Variants in HS6ST2 observed in about 807,000 individuals in gnomAD.
HS6ST2 encodes heparan sulfate 6-O-sulfotransferase 2.
A neutral mutation model predicts 33.0 loss-of-function variants in HS6ST2; 17 were observed. That is an observed-to-expected ratio of 0.52 (90% CI 0.35 to 0.77). The LOEUF is 0.77. Among genes scored for constraint, HS6ST2 ranks in the 30% least tolerant of loss-of-function variants. HS6ST2 has a pLI of 0.01. For missense variants in HS6ST2, 519 were observed against 551.7 expected (o/e 0.94, Z 0.59); for synonymous variants, 248 against 237.1 (o/e 1.05, Z -0.42).
intron 2 of HS6ST2, among the ~76,000 whole-genome samples, chrX:132,913,267 G>A (rs1329610585): frequency 8.9e-6 from 1 of 112,196 alleles, no homozygotes; most frequent in East Asian, 2.8e-4. Flanking sequence ...GTGCCAGGCA[G>A]CCACTTCATG....
At chrX:132,637,743 A>AT (rs1491159256) in intron 4 of HS6ST2, among the ~76,000 whole-genome samples, 16 of 79,990 alleles carry the variant, frequency 2.0e-4, no homozygotes, top group African/African-American at 7.6e-4. Context: ...ATATATATAT[A>AT]AAAAATATAT....
At position 132,707,643 on chromosome X, in the gene HS6ST2, A is replaced by C. The variant is rs766316340; in HGVS notation, c.980+819T>G. ...TTAAGAAAAAACAGAGGCACTAGTA[A>C]ATATTTCTGGAGCCAATAAGCCTAC... is the stretch of plus-strand genomic sequence containing the variant. On this transcript the variant is annotated intron_variant, in intron 3 of 4. Coordinates refer to ENST00000370833, the MANE Select transcript of HS6ST2 (RefSeq NM_001394073.1). 2.0e-4 allele frequency among the ~76,000 whole-genome samples: 23 copies of C among 112,226 alleles called. No homozygotes were observed. The South Asian group carries it at 7.6e-3, about 37-fold the overall frequency.
intron 3 of HS6ST2, among the ~76,000 whole-genome samples, chrX:132,672,364 C>A (rs755906409): frequency 1.8e-5 from 2 of 110,953 alleles, no homozygotes; most frequent in Non-Finnish European, 3.8e-5. Context: ...CGAAACAGAT[C>A]TACCCCAGTA....
At chrX:132,954,067 A>G (rs924066480) in intron 2 of HS6ST2, among the ~76,000 whole-genome samples, 1 of 112,246 alleles carries the variant, frequency 8.9e-6, no homozygotes, top group African/African-American at 3.2e-5. Context: ...CATCTGATAA[A>G]TGGGGATCCT....
intron 3 of HS6ST2, among the ~76,000 whole-genome samples, chrX:132,684,520 A>T (rs1602577913): frequency 9.1e-6 from 1 of 110,041 alleles, no homozygotes; most frequent in East Asian, 2.9e-4. Context: ...TCCTGGAAAG[A>T]TGGTGAAAAA....
At chrX:132,908,586 T>G (rs1409216071) in intron 2 of HS6ST2, among the ~76,000 whole-genome samples, 1 of 112,256 alleles carries the variant, frequency 8.9e-6, no homozygotes, top group East Asian at 2.8e-4. Context: ...AATTGCTGCT[T>G]GATGCTACAA....
intron 2 of HS6ST2, among the ~76,000 whole-genome samples, chrX:132,711,060 C>A (rs1378957157): frequency 1.8e-5 from 2 of 111,887 alleles, no homozygotes; most frequent in Non-Finnish European, 3.8e-5. Context: ...ATAGGAATAA[C>A]CTTCCTCTGA....
chrX:132,703,401 T>C (rs757100172), intron 3 of HS6ST2, among the ~76,000 whole-genome samples: 1 of 112,964 alleles, frequency 8.9e-6, no homozygotes, highest in South Asian at 3.6e-4. Flanking sequence ...AAGTAGATGA[T>C]TCCCACTTGG....
intron 4 of HS6ST2, among the ~76,000 whole-genome samples, chrX:132,654,437 T>C (rs989681614): frequency 9.0e-6 from 1 of 111,207 alleles, no homozygotes; most frequent in Non-Finnish European, 1.9e-5. Context: ...ACCCCAGAAG[T>C]GCTCCTAGCC....
intron 2 of HS6ST2, among the ~76,000 whole-genome samples, chrX:132,925,158 A>G (rs1389069837): frequency 8.9e-6 from 1 of 111,813 alleles, no homozygotes; most frequent in East Asian, 2.8e-4. Context: ...TGAAGCCTCC[A>G]CAAAACCCCA....
intron 2 of HS6ST2, among the ~76,000 whole-genome samples, chrX:132,811,864 A>T (rs2065349527): frequency 1.9e-5 from 2 of 107,108 alleles, no homozygotes; most frequent in Admixed American, 2.0e-4. Context: ...AGTTATTTTA[A>T]AATGTACAAT....
intron 2 of HS6ST2, among the ~76,000 whole-genome samples, chrX:132,831,443 G>T (rs12849431): frequency 9.0e-6 from 1 of 111,159 alleles, no homozygotes; most frequent in Non-Finnish European, 1.9e-5. Flanking sequence ...CAAGTGGGAG[G>T]CTCAAGATGT....
At chrX:132,898,601 G>A (rs1029453860) in intron 2 of HS6ST2, among the ~76,000 whole-genome samples, 14 of 109,972 alleles carry the variant, frequency 1.3e-4, no homozygotes, top group Admixed American at 9.8e-4. Context: ...CTAGACAACA[G>A]TCAGTACAAG....
intron 2 of HS6ST2, among the ~76,000 whole-genome samples, chrX:132,905,800 AC>A (rs1397482896): frequency 4.5e-5 from 5 of 111,840 alleles, no homozygotes; most frequent in Non-Finnish European, 9.4e-5. Flanking sequence ...TATTTCCGTT[AC>A]CTCACAAGTT....
chrX:132,771,322 TTCTAA>T (rs2148321097), intron 2 of HS6ST2, among the ~76,000 whole-genome samples: 1 of 112,166 alleles, frequency 8.9e-6, no homozygotes, highest in African/African-American at 3.2e-5. Flanking sequence ...TAACTTTGTT[TTCTAA>T]TGAACAATGT....
At chrX:132,725,615 A>C (rs185736976) in intron 2 of HS6ST2, among the ~76,000 whole-genome samples, 1 of 112,270 alleles carries the variant, frequency 8.9e-6, no homozygotes, top group Non-Finnish European at 1.9e-5. Context: ...GTTCCTCAAA[A>C]ACTAAAAATA....
chrX:132,849,925 G>C (rs1397307016), intron 2 of HS6ST2, among the ~76,000 whole-genome samples: 5 of 112,085 alleles, frequency 4.5e-5, no homozygotes, highest in Admixed American at 1.9e-4. Flanking sequence ...TGCAGAAAAG[G>C]ATATCAAAGT....
At chrX:132,678,526 C>T (rs1233224459) in intron 3 of HS6ST2, among the ~76,000 whole-genome samples, 1 of 112,615 alleles carries the variant, frequency 8.9e-6, no homozygotes, top group South Asian at 3.7e-4. Flanking sequence ...TTTCTCTTCA[C>T]GTTTATTTAC....
chrX:132,696,554 CTT>C (rs1479308064), intron 3 of HS6ST2, among the ~76,000 whole-genome samples: 1 of 111,980 alleles, frequency 8.9e-6, no homozygotes, highest in Non-Finnish European at 1.9e-5. Flanking sequence ...CTCTGTGTCT[CTT>C]TATCTCTGCA....
Sources: gnomAD v4.1 joint callset for allele counts (sites outside exome capture counted in the v4.1 genomes callset) on GRCh38, gnomAD v4.1.1 for gene constraint, MANE v1.5 for transcripts, NCBI Gene and HGNC (gene_info 2026-07-23, HGNC 2026-07-21) for gene names.